Variants in CELF1 observed in about 807,000 individuals in gnomAD.
CELF1 encodes the protein 50 kDa nuclear polyadenylated RNA-binding protein.
CELF1 carries 10 observed loss-of-function variants against 61.8 expected under a neutral mutation model. The observed-to-expected ratio is 0.16, with a 90% confidence interval of 0.10 to 0.27. The LOEUF (loss-of-function observed/expected upper bound fraction) is 0.27. Ranked by LOEUF, CELF1 falls within the 10% of genes least tolerant of loss-of-function variation. The pLI, the probability that CELF1 is intolerant of heterozygous loss-of-function variation, is 1.00. For synonymous variants in CELF1, 236 were observed against 225.1 expected (o/e 1.05, Z -0.43); for missense variants, 380 against 639.1 (o/e 0.59, Z 4.37).
chr11:47,486,270 C>T (rs935231529), intron 6 of CELF1, among the ~76,000 whole-genome samples: 24 of 151,758 alleles, frequency 1.6e-4, no homozygotes, highest in Admixed American at 5.9e-4. Flanking sequence ...CCAGTTCATT[C>T]TACAATGTTC....
chr11:47,513,193 T>C (rs559513744), intron 1 of CELF1, among the ~76,000 whole-genome samples: 10 of 152,356 alleles, frequency 6.6e-5, no homozygotes, highest in African/African-American at 1.7e-4. Flanking sequence ...ATTTAAAATG[T>C]TGTTAGTGAT....
In CELF1 at chr11:47,468,278, AG is replaced by A. The variant is rs528422329; in HGVS notation, c.*3951del. On this transcript the variant is annotated 3_prime_UTR_variant, in exon 15 of 15. Coordinates refer to ENST00000687097, the MANE Select transcript of CELF1 (RefSeq NM_001376376.1). ...AGTGCAGCCTGCGGTCAAAAAGGAA[AG>A]GGGGTTCAGGTGCTCTCCGCAGTTG... The A allele has an allele frequency of 7.2e-5, 11 of 152,396 alleles. No homozygotes were observed. Among genetic ancestry groups the A allele is most frequent in the African/African-American group, 2.4e-4 (10 of 41,566 alleles). The allele number at this position is 152,396 out of a possible 1,614,324, so 9.4% of individuals were successfully genotyped here.
chr11:47,476,787 G>A lies in CELF1; in HGVS notation c.1087+59C>T, dbSNP rs2080409715. ...TCATTCCAGTGGTGCCCCTACCAGGGTTAAGATGTGCTACCTGCACAAAGA... is the reference window on the plus strand; with the variant it reads ...TCATTCCAGTGGTGCCCCTACCAGGATTAAGATGTGCTACCTGCACAAAGA... On this transcript the variant is annotated intron_variant, in intron 12 of 14. Coordinates refer to ENST00000687097, the MANE Select transcript of CELF1 (RefSeq NM_001376376.1). 8 of 1,333,696 alleles carry A rather than the reference G, an allele frequency of 6.0e-6. No homozygotes were observed. The South Asian group carries it at 9.4e-5, about 16-fold the overall frequency. 82.6% of individuals were successfully genotyped at this position (1,333,696 alleles called of 1,614,324 possible).
At chr11:47,511,519 T>C (rs773097686) in intron 1 of CELF1, among the ~76,000 whole-genome samples, 9 of 152,240 alleles carry the variant, frequency 5.9e-5, no homozygotes, top group African/African-American at 1.4e-4. Context: ...CATCTTCAAA[T>C]TGATGGAATA....
At chr11:47,553,332 C>G (rs1429508332), upstream of CELF1, among the ~76,000 whole-genome samples, 10 of 152,166 alleles carry the variant, frequency 6.6e-5, no homozygotes, top group Admixed American at 5.9e-4. Flanking sequence ...CACCTAAGCC[C>G]CTGGGGCCGC....
intron 3 of CELF1, among the ~76,000 whole-genome samples, chr11:47,499,244 T>C (rs2093597634): frequency 2.6e-5 from 4 of 152,168 alleles, no homozygotes; most frequent in Admixed American, 2.6e-4. Context: ...CAAGTGCACC[T>C]TTATGTAAAT....
intron 1 of CELF1, among the ~76,000 whole-genome samples, chr11:47,514,660 A>T (rs769798140): frequency 1.4e-4 from 20 of 140,646 alleles, no homozygotes; most frequent in Non-Finnish European, 2.9e-4. Flanking sequence ...GTTTGAGACC[A>T]GCCTCGGCAA....
chr11:47,552,307 G>A (rs1457412389), intron 1 of CELF1, among the ~76,000 whole-genome samples: 1 of 152,196 alleles, frequency 6.6e-6, no homozygotes. Flanking sequence ...CATCCTACCC[G>A]GAGGACCACA....
At chr11:47,476,541 T>G (rs1422258960) in intron 12 of CELF1, among the ~76,000 whole-genome samples, 1 of 152,150 alleles carries the variant, frequency 6.6e-6, no homozygotes, top group Non-Finnish European at 1.5e-5. Context: ...TTCTCCTGCC[T>G]CAGCCTCCCA....
chr11:47,528,784 G>A (rs1218093105), intron 1 of CELF1, among the ~76,000 whole-genome samples: 12 of 151,774 alleles, frequency 7.9e-5, no homozygotes, highest in Admixed American at 7.9e-4. Flanking sequence ...CAGCTACTCA[G>A]GAGGCTGAGG....
At chr11:47,473,277 T>C in intron 13 of CELF1, 46 bp from the exon 14 acceptor site, 1 of 1,577,668 alleles carries the variant, frequency 6.3e-7, no homozygotes. Flanking sequence ...TCAAACATGC[T>C]CGTCGCCCTG....
At chr11:47,560,213 C>G (rs2097221012) in intron 2 of CELF1, among the ~76,000 whole-genome samples, 1 of 152,018 alleles carries the variant, frequency 6.6e-6, no homozygotes, top group Non-Finnish European at 1.5e-5. Flanking sequence ...ATCACTTGAG[C>G]CTGGGAGGTC....
intron 1 of CELF1, among the ~76,000 whole-genome samples, chr11:47,508,524 A>G (rs984650840): frequency 6.6e-6 from 1 of 151,394 alleles, no homozygotes; most frequent in African/African-American, 2.4e-5. Context: ...GGCTAGGAAC[A>G]TTTTAACTGC....
At chr11:47,497,677 C>T (rs2093363229) in intron 3 of CELF1, among the ~76,000 whole-genome samples, 1 of 152,158 alleles carries the variant, frequency 6.6e-6, no homozygotes, top group African/African-American at 2.4e-5. Context: ...TGTGTTAAGT[C>T]CACTAGCTCT....
intron 3 of CELF1, among the ~76,000 whole-genome samples, chr11:47,499,250 T>C (rs1382706992): frequency 2.0e-5 from 3 of 152,172 alleles, no homozygotes; most frequent in Non-Finnish European, 4.4e-5. Flanking sequence ...CACCTTTATG[T>C]AAATAACTTA....
At chr11:47,511,498 T>C (rs1254299695) in intron 1 of CELF1, among the ~76,000 whole-genome samples, 1 of 152,248 alleles carries the variant, frequency 6.6e-6, no homozygotes, top group Non-Finnish European at 1.5e-5. Context: ...CCATCAGTGC[T>C]AATAAATGTG....
At chr11:47,489,120 T>A in intron 3 of CELF1, 96 bp from the exon 4 acceptor site, 1 of 1,069,652 alleles carries the variant, frequency 9.3e-7, no homozygotes, top group Non-Finnish European at 1.3e-6. Flanking sequence ...TCTGAGAACG[T>A]AAGGGAAAAA....
Position 47,489,219 on chromosome 11 carries a change from C to T in CELF1, c.72-195G>A, listed in dbSNP as rs2089607807. On this transcript the variant is annotated intron_variant, in intron 3 of 14. Transcript: ENST00000687097. ...GCCACCCATTCCATCAGATGCCAAA[C>T]TAAAGTCACCATTCTGATTGGGACA... Among the ~76,000 whole-genome samples the T allele has an allele frequency of 2.0e-5, 3 of 152,178 alleles. 1 individual carries two copies. The highest frequency in any genetic ancestry group is 2.0e-4 in the Admixed American group (3 of 15,280).
At chr11:47,520,343 A>G (rs1336147970) in intron 1 of CELF1, among the ~76,000 whole-genome samples, 1 of 152,230 alleles carries the variant, frequency 6.6e-6, no homozygotes, top group Non-Finnish European at 1.5e-5. Flanking sequence ...ACTGAATTAC[A>G]TGGCCTACTA....
Sources: allele counts gnomAD v4.1 joint callset (sites outside exome capture counted in the v4.1 genomes callset), GRCh38; gene constraint gnomAD v4.1.1; transcripts MANE v1.5; gene names NCBI Gene and HGNC (gene_info 2026-07-23, HGNC 2026-07-21).